RIN3: variants seen among roughly 807,000 people sequenced by gnomAD.
RIN3 encodes RAB5 interacting protein 3.
A neutral mutation model predicts 76.3 loss-of-function variants in RIN3; 54 were observed. The ratio of observed to expected loss-of-function variants is 0.71; its 90% confidence interval spans 0.57 to 0.89. The LOEUF (loss-of-function observed/expected upper bound fraction) is 0.89. Among genes scored for constraint, RIN3 ranks in the 40% least tolerant of loss-of-function variants. The pLI is 0.00. For missense variants in RIN3, 1,256 were observed against 1,322.1 expected (o/e 0.95, Z 0.78); for synonymous variants, 576 against 564.0 (o/e 1.02, Z -0.30).
At chr14:92,635,582 C>T (rs558695196) in intron 4 of RIN3, among the ~76,000 whole-genome samples, 6 of 152,114 alleles carry the variant, frequency 3.9e-5, no homozygotes, top group South Asian at 2.1e-4. Context: ...CTGGGCGTGG[C>T]GGCTCACACC....
intron 3 of RIN3, among the ~76,000 whole-genome samples, chr14:92,599,948 C>A (rs911039852): frequency 3.3e-5 from 5 of 152,076 alleles, no homozygotes; most frequent in African/African-American, 1.2e-4. Flanking sequence ...CAGGCAGTCA[C>A]AAGGAACATC....
chr14:92,614,361 G>T (rs937444509), intron 3 of RIN3, among the ~76,000 whole-genome samples: 1 of 152,168 alleles, frequency 6.6e-6, no homozygotes, highest in Non-Finnish European at 1.5e-5. Flanking sequence ...GGCCTCTACT[G>T]GGCCTCAGAA....
chr14:92,679,425 C>T (rs1244186880), intron 8 of RIN3, among the ~76,000 whole-genome samples: 1 of 152,224 alleles, frequency 6.6e-6, no homozygotes, highest in Non-Finnish European at 1.5e-5. Context: ...TGCCCTACTT[C>T]AATAGTCAGG....
chr14:92,628,074 G>A (rs115900520), intron 4 of RIN3, among the ~76,000 whole-genome samples: 4,126 of 152,286 alleles, frequency 0.027, 202 homozygotes, highest in African/African-American at 0.094. Context: ...CAAAGGAGGC[G>A]AGGGTGGGCG....
In RIN3 at chr14:92,682,084, G is replaced by A. The variant is rs1233707089; in HGVS notation, c.2468-2903G>A. Among the ~76,000 whole-genome samples, 14 of 151,978 alleles carry A rather than the reference G, an allele frequency of 9.2e-5. No individual in the cohort carries two copies. The South Asian group carries it at 1.5e-3, about 16-fold the overall frequency. ...GTATTTTTGGTAGAGACAGGATTTC[G>A]TCATGTTGGCCAGGCTGGTCTTGAA... On this transcript the variant is annotated intron_variant, in intron 8 of 9. Transcript: ENST00000216487.
At chr14:92,548,572 A>G (rs1244624287) in intron 1 of RIN3, among the ~76,000 whole-genome samples, 11 of 152,078 alleles carry the variant, frequency 7.2e-5, no homozygotes, top group Admixed American at 7.2e-4. Flanking sequence ...GATCCGTCCC[A>G]TGCCTCTCCC....
intron 1 of RIN3, among the ~76,000 whole-genome samples, chr14:92,555,384 T>G (rs1430381460): frequency 2.6e-5 from 4 of 152,308 alleles, no homozygotes; most frequent in Non-Finnish European, 5.9e-5. Flanking sequence ...GAGATCAAAC[T>G]GAGGGCTCCA....
intron 3 of RIN3, among the ~76,000 whole-genome samples, chr14:92,586,236 T>A (rs989348775): frequency 3.3e-5 from 5 of 152,184 alleles, no homozygotes; most frequent in African/African-American, 1.2e-4. Context: ...AAAGCCTGTG[T>A]GTAGTAAGCA....
At chr14:92,549,878 G>T (rs1364520572) in intron 1 of RIN3, among the ~76,000 whole-genome samples, 3 of 152,238 alleles carry the variant, frequency 2.0e-5, no homozygotes, top group African/African-American at 7.2e-5. Context: ...TGGTGGAGCT[G>T]CTCCAAAGCT....
At chr14:92,611,183 CA>C (rs1184733510) in intron 3 of RIN3, among the ~76,000 whole-genome samples, 2 of 152,154 alleles carry the variant, frequency 1.3e-5, no homozygotes, top group African/African-American at 4.8e-5. Flanking sequence ...TGGTTGCTGC[CA>C]ATCTTTGGCA....
chr14:92,685,286 C>T lies in RIN3; in HGVS notation c.2631+136C>T. On this transcript the variant is annotated intron_variant, in intron 9 of 9. Coordinates refer to ENST00000216487, the MANE Select transcript of RIN3 (RefSeq NM_024832.5). This position sits in a 1 kb window ranked among gnomAD's most constrained non-coding sequence, Gnocchi z 4.7. Reference sequence around the variant, plus strand: ...CTGCCTTAGGGGAGCAGTGAGACTCCCCACACCAGAGGAAGGGCCCCCAGC... The same window carrying T: ...CTGCCTTAGGGGAGCAGTGAGACTCTCCACACCAGAGGAAGGGCCCCCAGC... 2.2e-6 allele frequency: 2 copies of T among 920,980 alleles called. No homozygotes were observed. Among genetic ancestry groups the T allele is most frequent in the Admixed American group, 2.8e-5 (1 of 35,380 alleles). The allele number at this position is 920,980 out of a possible 1,614,324, so 57.1% of individuals were successfully genotyped here. A position where few individuals can be genotyped will look rare whatever the true frequency, so the allele number is the denominator to read the frequency against.
At chr14:92,596,555 G>A (rs565565046) in intron 3 of RIN3, among the ~76,000 whole-genome samples, 57 of 152,308 alleles carry the variant, frequency 3.7e-4, no homozygotes, top group Non-Finnish European at 5.0e-4. Context: ...ACTCCAGAGA[G>A]GAAGTAGAGG....
intron 1 of RIN3, among the ~76,000 whole-genome samples, chr14:92,544,414 T>TGGGGGG (rs71123353): frequency 2.6e-3 from 195 of 74,532 alleles, no homozygotes; most frequent in African/African-American, 3.9e-3. Context: ...GTGACAGCTG[T>TGGGGGG]GGGGGGGGGG....
intron 1 of RIN3, among the ~76,000 whole-genome samples, chr14:92,551,078 AGAGTT>A (rs1315658991): frequency 1.3e-5 from 2 of 152,198 alleles, no homozygotes; most frequent in African/African-American, 4.8e-5. Flanking sequence ...TATCATGACT[AGAGTT>A]AACTAGAGTT....
At chr14:92,591,663 A>C (rs1884983765) in intron 3 of RIN3, among the ~76,000 whole-genome samples, 1 of 152,204 alleles carries the variant, frequency 6.6e-6, no homozygotes, top group African/African-American at 2.4e-5. Flanking sequence ...CATGCAAGCA[A>C]GAAGATAGTG....
At chr14:92,569,444 C>T (rs1009229299) in intron 2 of RIN3, among the ~76,000 whole-genome samples, 2 of 152,176 alleles carry the variant, frequency 1.3e-5, no homozygotes, top group African/African-American at 2.4e-5. Flanking sequence ...GACAAGAACA[C>T]GGAGGCTCAG....
rs368830487 is a variant in RIN3 at position 92,688,145 on chromosome 14, G to A, written c.2851G>A (p.Glu951Lys). ...CATCAAGGGCTACCTGCTGCGCAGC[G>A]AGCCCAAGCGCGACTTCCACTTTGT... ...HCIKGYLLRS[E>K]PKRDFHFVYR... The change falls in exon 10 of 10, where the codon GAG becomes AAG. Residue 951 changes from glutamate to lysine, a missense_variant. Around this residue, in one of 3 missense-constraint regions of RIN3, gnomAD observed 218 missense variants for 174.5 expected, o/e 1.25. Transcript: ENST00000216487. 1.1e-5 allele frequency: 17 copies of A among 1,610,228 alleles called. No homozygotes were observed. The African/African-American group carries it at 1.7e-4, about 16-fold the overall frequency.
chr14:92,679,855 G>T (rs946241286), intron 8 of RIN3, among the ~76,000 whole-genome samples: 1 of 152,228 alleles, frequency 6.6e-6, no homozygotes, highest in Non-Finnish European at 1.5e-5. Context: ...TTGGGGCCCA[G>T]TTCTGCCTCT....
At chr14:92,609,619 T>G (rs181699941) in intron 3 of RIN3, among the ~76,000 whole-genome samples, 34 of 152,278 alleles carry the variant, frequency 2.2e-4, no homozygotes, top group Admixed American at 1.1e-3. Context: ...AGAGCTGTCT[T>G]GGCAGGTTCA....
Sources: allele counts gnomAD v4.1 joint callset (sites outside exome capture counted in the v4.1 genomes callset), GRCh38; gene constraint gnomAD v4.1.1; regional missense constraint gnomAD v4.1.1; non-coding constraint Gnocchi (gnomAD v3.1); transcripts MANE v1.5; gene names NCBI Gene and HGNC (gene_info 2026-07-23, HGNC 2026-07-21).